LMTK2: variants seen among roughly 807,000 people sequenced by gnomAD.
The protein encoded by LMTK2 is lemur tail kinase 2.
A neutral mutation model predicts 127.5 loss-of-function variants in LMTK2; 37 were observed. The ratio of observed to expected loss-of-function variants is 0.29; its 90% CI spans 0.22 to 0.38. The LOEUF (loss-of-function observed/expected upper bound fraction) is 0.38, where lower values mean the gene tolerates loss of function less well. Ranked by LOEUF, LMTK2 falls within the 10% of genes least tolerant of loss-of-function variation. The pLI is 1.00. For missense variants in LMTK2, 1,694 were observed against 1,920.3 expected, an observed-to-expected ratio of 0.88 and a Z score of 2.20; for synonymous variants, 819 against 810.1, an observed-to-expected ratio of 1.01 and a Z score of -0.19.
At chr7:98,202,703 C>A (rs768202376) in intron 11 of LMTK2, among the ~76,000 whole-genome samples, 2 of 152,092 alleles carry the variant, frequency 1.3e-5, no homozygotes, top group African/African-American at 2.4e-5. Context: ...TGCCCCGCAC[C>A]CCACCCCGGT....
At chr7:98,116,028 G>A (rs1228233416) in intron 1 of LMTK2, among the ~76,000 whole-genome samples, 20 of 152,000 alleles carry the variant, frequency 1.3e-4, no homozygotes, top group Non-Finnish European at 7.3e-5. Flanking sequence ...GGGACTATAG[G>A]CGCATGTAAC....
intron 1 of LMTK2, among the ~76,000 whole-genome samples, chr7:98,126,008 A>C (rs1214739667): frequency 1.3e-5 from 2 of 152,224 alleles, no homozygotes; most frequent in African/African-American, 2.4e-5. Context: ...CTAAGATTGC[A>C]TTTCAGTTAT....
chr7:98,108,289 A>AT (rs897955419), intron 1 of LMTK2, among the ~76,000 whole-genome samples: 1 of 152,056 alleles, frequency 6.6e-6, no homozygotes, highest in Non-Finnish European at 1.5e-5. Context: ...TAGTTGTATG[A>AT]TTTTTTTTAA....
intron 7 of LMTK2, among the ~76,000 whole-genome samples, chr7:98,176,147 ATAAT>A (rs1156663502): frequency 6.6e-6 from 1 of 152,256 alleles, no homozygotes; most frequent in African/African-American, 2.4e-5. Flanking sequence ...ATATGTCTAC[ATAAT>A]TCATTCCATT....
intron 7 of LMTK2, among the ~76,000 whole-genome samples, chr7:98,181,122 G>A (rs563683638): frequency 1.3e-5 from 2 of 151,522 alleles, no homozygotes; most frequent in South Asian, 2.1e-4. Context: ...CAGCAGCTCA[G>A]TTGAGGGAGA....
At chr7:98,164,084 C>G (rs1481097347) in intron 6 of LMTK2, among the ~76,000 whole-genome samples, 1 of 152,204 alleles carries the variant, frequency 6.6e-6, no homozygotes, top group South Asian at 2.1e-4. Flanking sequence ...TTTTAAAAGG[C>G]ACTTAATCAT....
At position 98,151,407 on chromosome 7, in the gene LMTK2, C is replaced by T; in HGVS notation, c.402C>T (p.Arg134=). ...AGGGATTGAAGTCTCAAGTTGCCCG[C>T]CACAGTCTAAACTACATACAGGAAA... ...SVEGLKSQVA[R]HSLNYIQEIG... Residue 134 remains arginine, a synonymous_variant, in exon 4 of 14, where the codon CGC becomes CGT. Transcript: ENST00000297293. 1 of 1,613,480 alleles carries T rather than the reference C, an allele frequency of 6.2e-7. No homozygotes were observed. The highest frequency in any genetic ancestry group is 1.7e-5 in the Admixed American group (1 of 59,994).
intron 9 of LMTK2, among the ~76,000 whole-genome samples, chr7:98,189,158 G>T (rs976932827): frequency 2.0e-5 from 3 of 152,116 alleles, no homozygotes; most frequent in African/African-American, 7.2e-5. Flanking sequence ...GAGGACCCCA[G>T]GCGACCCCAG....
In LMTK2 at chr7:98,192,326, G is replaced by C; in HGVS notation, c.1861G>C (p.Asp621His). Reference protein sequence around the residue: ...TDPKDSSLPGDLHVTSGPESP... With the variant: ...TDPKDSSLPGHLHVTSGPESP... ...CCCCAAAGACTCTAGCTTACCAGGGGACTTACACGTGACCAGTGGCCCCGA... is the reference window on the plus strand; with the variant it reads ...CCCCAAAGACTCTAGCTTACCAGGGCACTTACACGTGACCAGTGGCCCCGA... The change falls in exon 11 of 14, where the codon GAC becomes CAC. Residue 621 changes from aspartate (D) to histidine (H), a missense_variant. Asp to His is a moderately conservative substitution (Grantham distance 81, BLOSUM62 -1). This residue lies in a region of LMTK2 where 527 missense variants were observed against 539.8 expected (regional missense o/e 0.98). Coordinates refer to ENST00000297293, the MANE Select transcript of LMTK2 (RefSeq NM_014916.4). The C allele has an allele frequency of 6.4e-7, 1 of 1,564,000 alleles. No homozygotes were observed. Among genetic ancestry groups the C allele is most frequent in the Middle Eastern group, 1.7e-4 (1 of 5,798 alleles).
chr7:98,134,577 G>A lies in LMTK2; in HGVS notation c.104-2738G>A, dbSNP rs117034824. ...TGCCTGTAATCCCAGCGCTTTGGGA[G>A]GCTGAAGTGGGTGGCGCACTTGAGC... On this transcript the variant is annotated intron_variant, in intron 1 of 13. Coordinates refer to ENST00000297293, the MANE Select transcript of LMTK2 (RefSeq NM_014916.4). 9.0e-3 allele frequency among the ~76,000 whole-genome samples: 1,370 copies of A among 152,168 alleles called. 16 individuals carry two copies. Among genetic ancestry groups the A allele is most frequent in the Non-Finnish European group, 0.012 (847 of 68,008 alleles).
At chr7:98,185,931 C>G (rs1797426032) in intron 8 of LMTK2, among the ~76,000 whole-genome samples, 1 of 152,026 alleles carries the variant, frequency 6.6e-6, no homozygotes, top group African/African-American at 2.4e-5. Flanking sequence ...CTTGTGAGGA[C>G]CAAACGGGTA....
intron 4 of LMTK2, among the ~76,000 whole-genome samples, chr7:98,153,823 A>G (rs973836875): frequency 1.3e-5 from 2 of 152,032 alleles, no homozygotes; most frequent in African/African-American, 2.4e-5. Flanking sequence ...CCATATTTGC[A>G]CCACTGTGCT....
chr7:98,149,482 A>ATTTCCACTGCTGTCACCG (rs1796821300), intron 3 of LMTK2, among the ~76,000 whole-genome samples: 1 of 152,280 alleles, frequency 6.6e-6, no homozygotes, highest in East Asian at 1.9e-4. Context: ...CTGCTCCACC[A>ATTTCCACTGCTGTCACCG]TTTCCACTGC....
rs1355845108 is a variant in LMTK2, at chr7:98,193,871, C to A, written c.3406C>A (p.Leu1136Ile). ...CTTGGTGTTGGTACAGGAGCAGCCC[C>A]TACCCGAGCCAGTCCTCCCCGAGCA... The part of the protein sequence containing the change: ...SALVLVQEQP[L>I]PEPVLPEQSP... Residue 1136 changes from leucine to isoleucine, a missense_variant, in exon 11 of 14, where the codon CTA (leucine) becomes ATA (isoleucine). Leu to Ile is a conservative substitution (Grantham distance 5). This residue lies in a region of LMTK2 where 554 missense variants were observed against 567.7 expected (regional missense o/e 0.98). Coordinates refer to ENST00000297293, the MANE Select transcript of LMTK2 (RefSeq NM_014916.4). This position sits in a 1 kb window ranked among gnomAD's most constrained non-coding sequence, Gnocchi z 4.1. 3 of 1,614,082 alleles carry A rather than the reference C, an allele frequency of 1.9e-6. No homozygotes were observed. Among genetic ancestry groups the A allele is most frequent in the Non-Finnish European group, 2.5e-6 (3 of 1,180,024 alleles).
At chr7:98,195,643 C>T (rs988945671) in intron 11 of LMTK2, among the ~76,000 whole-genome samples, 1 of 152,150 alleles carries the variant, frequency 6.6e-6, no homozygotes, top group African/African-American at 2.4e-5. Flanking sequence ...GCTTGCCCTC[C>T]CTTTTGCTCC....
rs75587800 is a variant in LMTK2, at chr7:98,202,413, A to T, written c.4108-1161A>T. On this transcript the variant is annotated intron_variant, in intron 11 of 13. Coordinates refer to ENST00000297293, the MANE Select transcript of LMTK2 (RefSeq NM_014916.4). Reference sequence around the variant, plus strand: ...TAATTCCAACATCTGTGGTACGGTGACACTGGCACCTGTTGATTGTCTTTT... The same window carrying T: ...TAATTCCAACATCTGTGGTACGGTGTCACTGGCACCTGTTGATTGTCTTTT... Among the ~76,000 whole-genome samples the T allele has an allele frequency of 9.6e-3, 1,464 of 152,248 alleles. 36 individuals carry two copies. Among genetic ancestry groups the T allele is most frequent in the African/African-American group, 0.034 (1,417 of 41,550 alleles).
At chr7:98,130,630 T>A (rs1796507579) in intron 1 of LMTK2, among the ~76,000 whole-genome samples, 1 of 152,162 alleles carries the variant, frequency 6.6e-6, no homozygotes, top group Admixed American at 6.5e-5. Flanking sequence ...CCAGTGTGAC[T>A]GCTGTCCTTA....
Position 98,170,795 on chromosome 7 carries a change from A to G in LMTK2, c.658-746A>G, listed in dbSNP as rs1465913832. Among the ~76,000 whole-genome samples, 9 of 152,314 alleles carry G rather than the reference A, an allele frequency of 5.9e-5. 1 individual carries two copies. Among genetic ancestry groups the G allele is most frequent in the Admixed American group, 4.6e-4 (7 of 15,298 alleles). The stretch of plus-strand genomic sequence containing the variant: ...AAACATAGTATCCTAAATGAAAATC[A>G]TGAAATAAAGACAGCGTAACACAGG... On this transcript the variant is annotated intron_variant, in intron 6 of 13. Transcript: ENST00000297293.
At chr7:98,173,557 A>T (rs374314074) in intron 7 of LMTK2, among the ~76,000 whole-genome samples, 1 of 152,234 alleles carries the variant, frequency 6.6e-6, no homozygotes, top group South Asian at 2.1e-4. Flanking sequence ...AGAGCATAAT[A>T]TTGGAATCAG....
Sources: gnomAD v4.1 joint callset for allele counts (sites outside exome capture counted in the v4.1 genomes callset) on GRCh38, gnomAD v4.1.1 for gene constraint, gnomAD v4.1.1 regional missense constraint, Gnocchi (gnomAD v3.1) non-coding constraint, MANE v1.5 for transcripts, NCBI Gene and HGNC (gene_info 2026-07-23, HGNC 2026-07-21) for gene names.